TMEM242: variants seen among roughly 807,000 people sequenced by gnomAD.
TMEM242 encodes transmembrane protein 242, also known as UPF0463 transmembrane protein C6orf35.
Under a neutral mutation model 18.2 loss-of-function variants are expected in TMEM242, and 10 were observed. The observed-to-expected ratio is 0.55, with a 90% confidence interval of 0.34 to 0.93. The LOEUF (loss-of-function observed/expected upper bound fraction) is 0.93, where lower values mean the gene tolerates loss of function less well. Ranked by LOEUF, TMEM242 falls within the 40% of genes least tolerant of loss-of-function variation. TMEM242 has a pLI of 0.02. For synonymous variants in TMEM242, 57 were observed against 69.9 expected (o/e 0.81, Z 0.92); for missense variants, 186 against 175.5 (o/e 1.06, Z -0.34).
intron 3 of TMEM242, among the ~76,000 whole-genome samples, chr6:157,312,680 A>AGTGTCGCAGTCTGTGCTCACCCG (rs1778207916): frequency 1.7e-5 from 1 of 59,044 alleles, no homozygotes; most frequent in Non-Finnish European, 3.5e-5. Flanking sequence ...GCACTCACCT[A>AGTGTCGCAGTCTGTGCTCACCCG]GCCTCATCAT....
intron 3 of TMEM242, among the ~76,000 whole-genome samples, chr6:157,315,483 A>G (rs1291702509): frequency 6.6e-6 from 1 of 152,206 alleles, no homozygotes; most frequent in Non-Finnish European, 1.5e-5. Context: ...CTAATGATCT[A>G]TATGCAGAGA....
chr6:157,295,922 C>T (rs781935906), intron 3 of TMEM242, among the ~76,000 whole-genome samples: 5 of 152,248 alleles, frequency 3.3e-5, no homozygotes, highest in Non-Finnish European at 7.4e-5. Context: ...CCACAGAAGG[C>T]TTTTCAGCTC....
chr6:157,310,774 C>G (rs1554248438), intron 3 of TMEM242, among the ~76,000 whole-genome samples: 1 of 137,202 alleles, frequency 7.3e-6, no homozygotes, highest in Non-Finnish European at 1.6e-5. Flanking sequence ...ATCATAGGGT[C>G]CCAGTGTGCA....
chr6:157,299,776 A>T, intron 3 of TMEM242: 9 of 1,603,150 alleles, frequency 5.6e-6, no homozygotes, highest in Non-Finnish European at 7.7e-6. Context: ...CTTTGCTACA[A>T]ACAATATTTG....
At chr6:157,299,271 G>A in intron 3 of TMEM242, 1 of 762,032 alleles carries the variant, frequency 1.3e-6, no homozygotes, top group South Asian at 1.4e-5. Flanking sequence ...GGCCCATGAA[G>A]TATAACCTTT....
At chr6:157,323,184 C>T (rs1778522156) in intron 1 of TMEM242, among the ~76,000 whole-genome samples, 1 of 152,130 alleles carries the variant, frequency 6.6e-6, no homozygotes, top group South Asian at 2.1e-4. Flanking sequence ...TATGGCACGC[C>T]CGGGAGAATA....
At chr6:157,303,677 T>C (rs1231625140) in intron 3 of TMEM242, among the ~76,000 whole-genome samples, 2 of 152,224 alleles carry the variant, frequency 1.3e-5, no homozygotes, top group African/African-American at 4.8e-5. Flanking sequence ...TGTTAATTAT[T>C]ACAAGCTGAT....
chr6:157,317,624 T>G (rs1299324614), intron 3 of TMEM242, among the ~76,000 whole-genome samples: 1 of 152,194 alleles, frequency 6.6e-6, no homozygotes, highest in African/African-American at 2.4e-5. Flanking sequence ...ACTTCTCCCC[T>G]AACTCTCAAC....
rs1401273944 is a variant in TMEM242 at position 157,290,827 on chromosome 6, G to A, written c.*2074C>T. On this transcript the variant is annotated 3_prime_UTR_variant, in exon 4 of 4. Transcript: ENST00000400788. ...CCCTGCCAGCCTCCCCTCTGCAGGG[G>A]ATTCATCATCATTCTAATGGGAGTT... The A allele has an allele frequency of 6.6e-6, 1 of 152,236 alleles. No individual in the cohort carries two copies. The highest frequency in any genetic ancestry group is 1.9e-4 in the East Asian group (1 of 5,202). 9.4% of individuals were successfully genotyped at this position (152,236 alleles called of 1,614,324 possible).
At chr6:157,298,703 A>G (rs1777784038) in intron 3 of TMEM242, among the ~76,000 whole-genome samples, 1 of 152,260 alleles carries the variant, frequency 6.6e-6, no homozygotes. Context: ...GGTATAAGCC[A>G]GCAAGAAGAA....
chr6:157,301,610 C>A (rs78223061), intron 3 of TMEM242, among the ~76,000 whole-genome samples: 38,050 of 152,098 alleles, frequency 0.25, 5,096 homozygotes, highest in East Asian at 0.56. Flanking sequence ...ACGCGCCTGG[C>A]CGAAAAGCTA....
At chr6:157,313,886 C>G (rs1583573197) in intron 3 of TMEM242, among the ~76,000 whole-genome samples, 2 of 149,262 alleles carry the variant, frequency 1.3e-5, no homozygotes, top group African/African-American at 4.9e-5. Flanking sequence ...TCACAGTGCC[C>G]CAGTGTGCGC....
intron 3 of TMEM242, among the ~76,000 whole-genome samples, chr6:157,295,315 A>C (rs1777737076): frequency 6.6e-6 from 1 of 152,240 alleles, no homozygotes. Context: ...TGCTTTGTCC[A>C]AAACATTAAT....
intron 3 of TMEM242, among the ~76,000 whole-genome samples, chr6:157,300,705 G>C (rs587705341): frequency 6.6e-6 from 1 of 152,322 alleles, no homozygotes; most frequent in African/African-American, 2.4e-5. Flanking sequence ...AGGAGCTTGA[G>C]CAGGGTAGGG....
At chr6:157,312,982 A>G (rs868941337) in intron 3 of TMEM242, among the ~76,000 whole-genome samples, 5 of 147,988 alleles carry the variant, frequency 3.4e-5, no homozygotes, top group East Asian at 2.0e-4. Context: ...GTGTGCGCTC[A>G]CCTAGCCTCA....
At position 157,289,541 on chromosome 6, in the gene TMEM242, A is replaced by C. The variant is rs1777656114; in HGVS notation, c.*3360T>G. The C allele has an allele frequency of 6.6e-6, 1 of 152,216 alleles. No individual in the cohort carries two copies. 9.4% of individuals were successfully genotyped at this position (152,216 alleles called of 1,614,324 possible). A position where few individuals can be genotyped will look rare whatever the true frequency, so the allele number is the denominator to read the frequency against. On this transcript the variant is annotated 3_prime_UTR_variant, in exon 4 of 4. Transcript: ENST00000400788. ...TACCTGATTTTCATTTGTACTTAACAATTTGTCTTAAAGATGATACATAAA... is the reference window on the plus strand; with the variant it reads ...TACCTGATTTTCATTTGTACTTAACCATTTGTCTTAAAGATGATACATAAA...
At position 157,312,462 on chromosome 6, in the gene TMEM242, GCGTGCACTCACCTAGCCTC is replaced by G. The variant is rs1778189313; in HGVS notation, c.327+6301_327+6319del. Among the ~76,000 whole-genome samples the G allele has an allele frequency of 1.8e-3, 16 of 8,756 alleles. 1 individual carries two copies. The highest frequency in any genetic ancestry group is 6.0e-3 in the East Asian group (1 of 168). The allele number at this position is 8,756 out of a possible 152,430, so 5.7% of individuals were successfully genotyped here. A position where few individuals can be genotyped will look rare whatever the true frequency, so the allele number is the denominator to read the frequency against. On this transcript the variant is annotated intron_variant, in intron 3 of 3. Transcript: ENST00000400788. ...ACTCACCGAGCCTCATAGTGCCCCAGCGTGCACTCACCTAGCCTCATCATAGTGTCCCAGTGTGCACTCA... is the reference window on the plus strand; with the variant it reads ...ACTCACCGAGCCTCATAGTGCCCCAGATCATAGTGTCCCAGTGTGCACTCA...
chr6:157,309,527 T>C (rs149256767), intron 3 of TMEM242, among the ~76,000 whole-genome samples: 175 of 152,282 alleles, frequency 1.1e-3, no homozygotes, highest in African/African-American at 3.8e-3. Context: ...TAGCTGGGAC[T>C]ACGGGCACGT....
At chr6:157,304,462 C>CAAAA (rs782782714) in intron 3 of TMEM242, among the ~76,000 whole-genome samples, 24 of 67,250 alleles carry the variant, frequency 3.6e-4, no homozygotes, top group African/African-American at 8.8e-4. Context: ...GAGACTCTGT[C>CAAAA]AAAAAAAAAA....
Sources: gnomAD v4.1 joint callset for allele counts (sites outside exome capture counted in the v4.1 genomes callset) on GRCh38, gnomAD v4.1.1 for gene constraint, MANE v1.5 for transcripts, NCBI Gene and HGNC (gene_info 2026-07-23, HGNC 2026-07-21) for gene names.